CCDC178: variants seen among roughly 807,000 people sequenced by gnomAD.
The protein encoded by CCDC178 is coiled-coil domain containing 178.
In CCDC178, 126 loss-of-function variants were observed where a neutral mutation model predicts 117.4. That is an observed-to-expected ratio of 1.07 (90% CI 0.93 to 1.24). CCDC178 has a LOEUF of 1.24. Among genes scored for constraint, CCDC178 ranks in the 50% most tolerant of loss-of-function variants. The pLI is 0.00. For synonymous variants in CCDC178, 283 were observed against 313.4 expected (o/e 0.90, Z 1.02); for missense variants, 1,030 against 986.9 (o/e 1.04, Z -0.59).
chr18:33,045,627 G>C (rs2056628428), intron 21 of CCDC178, among the ~76,000 whole-genome samples: 1 of 152,150 alleles, frequency 6.6e-6, no homozygotes, highest in Admixed American at 6.5e-5. Flanking sequence ...TTCTGATCTT[G>C]ATAAAGCAAT....
intron 15 of CCDC178, among the ~76,000 whole-genome samples, chr18:33,231,740 G>T (rs1422938737): frequency 6.6e-6 from 1 of 152,086 alleles, no homozygotes; most frequent in Admixed American, 6.5e-5. Context: ...GTGTGGGGAG[G>T]TTCTCTGCCC....
chr18:33,407,829 G>T (rs1390417727), intron 3 of CCDC178, among the ~76,000 whole-genome samples: 2 of 151,562 alleles, frequency 1.3e-5, no homozygotes, highest in African/African-American at 4.8e-5. Flanking sequence ...GGTAATTTTA[G>T]CCAAATACTC....
intron 19 of CCDC178, among the ~76,000 whole-genome samples, chr18:33,213,257 T>C (rs973049950): frequency 1.3e-5 from 2 of 152,050 alleles, no homozygotes; most frequent in African/African-American, 4.8e-5. Flanking sequence ...TACTCATTTT[T>C]TTCTGCTCTT....
chr18:32,999,557 G>A (rs1442145252), intron 21 of CCDC178, among the ~76,000 whole-genome samples: 1 of 152,108 alleles, frequency 6.6e-6, no homozygotes, highest in East Asian at 1.9e-4. Context: ...CTGGCTTCAG[G>A]TCTGACCCAG....
At chr18:33,087,701 T>C (rs1352844057) in intron 21 of CCDC178, among the ~76,000 whole-genome samples, 1 of 152,130 alleles carries the variant, frequency 6.6e-6, no homozygotes, top group Non-Finnish European at 1.5e-5. Context: ...TTTATGGTTT[T>C]GCTATGAAAG....
intron 20 of CCDC178, among the ~76,000 whole-genome samples, chr18:33,167,008 T>C (rs376538784): frequency 6.6e-6 from 1 of 152,172 alleles, no homozygotes; most frequent in African/African-American, 2.4e-5. Flanking sequence ...TAGCTCCCAC[T>C]TATAAGTGAA....
At chr18:33,424,247 A>C (rs2064080571) in intron 2 of CCDC178, among the ~76,000 whole-genome samples, 1 of 152,342 alleles carries the variant, frequency 6.6e-6, no homozygotes, top group Middle Eastern at 3.4e-3. Context: ...TGTCTTTTGT[A>C]AAGAAGATAA....
chr18:33,208,136 G>C (rs2059067517), intron 20 of CCDC178, among the ~76,000 whole-genome samples: 1 of 151,998 alleles, frequency 6.6e-6, no homozygotes, highest in Admixed American at 6.6e-5. Context: ...AATTGTGTGT[G>C]ATTAATTGAT....
At chr18:33,034,374 T>TA (rs1219539465) in intron 21 of CCDC178, among the ~76,000 whole-genome samples, 1 of 152,054 alleles carries the variant, frequency 6.6e-6, no homozygotes, top group Non-Finnish European at 1.5e-5. Context: ...CTTCTCTGCT[T>TA]AAAAGCTTTT....
intron 22 of CCDC178, among the ~76,000 whole-genome samples, chr18:32,970,694 G>A (rs774199663): frequency 5.3e-5 from 8 of 151,794 alleles, no homozygotes; most frequent in Non-Finnish European, 1.2e-4. Context: ...ATAGACATAG[G>A]GTATTATCAA....
At chr18:33,328,886 T>C (rs993751945) in intron 10 of CCDC178, among the ~76,000 whole-genome samples, 6 of 152,190 alleles carry the variant, frequency 3.9e-5, no homozygotes, top group African/African-American at 1.2e-4. Context: ...TAGATATTTT[T>C]AGGTGCTATT....
chr18:33,151,202 A>T (rs972172503), intron 20 of CCDC178, among the ~76,000 whole-genome samples: 1 of 152,206 alleles, frequency 6.6e-6, no homozygotes, highest in Non-Finnish European at 1.5e-5. Context: ...GAACTTATCC[A>T]TGTAACAAAA....
At chr18:33,015,699 GTTA>G (rs753320515) in intron 21 of CCDC178, among the ~76,000 whole-genome samples, 6 of 150,724 alleles carry the variant, frequency 4.0e-5, no homozygotes, top group Non-Finnish European at 8.9e-5. Flanking sequence ...TTTGAAATCA[GTTA>G]TTATAAATAT....
At chr18:33,430,582 T>C (rs1478756045) in intron 2 of CCDC178, among the ~76,000 whole-genome samples, 1 of 152,086 alleles carries the variant, frequency 6.6e-6, no homozygotes, top group East Asian at 1.9e-4. Context: ...ATCCAGATGG[T>C]AAAGCTACAG....
In CCDC178 at chr18:33,314,058, G is replaced by A. The variant is rs1049948994; in HGVS notation, c.1022+9433C>T. 7.3e-5 allele frequency among the ~76,000 whole-genome samples: 11 copies of A among 150,344 alleles called. No homozygotes were observed. In the East Asian group the frequency reaches 9.8e-4, roughly 13 times the overall value. ...TACTAAAAATACAAAAAAATTAGCC[G>A]GGCGTAGTGGCGGGCGCCTGTAATC... On this transcript the variant is annotated intron_variant, in intron 11 of 22. Transcript: ENST00000383096.
chr18:32,943,370 T>G (rs1397813667), intron 22 of CCDC178, among the ~76,000 whole-genome samples: 1 of 152,222 alleles, frequency 6.6e-6, no homozygotes, highest in Admixed American at 6.5e-5. Flanking sequence ...TCCGTGATCT[T>G]GCTCAGTTTT....
chr18:33,333,504 T>G, intron 9 of CCDC178, 110 bp from the exon 10 acceptor site: 1 of 344,212 alleles, frequency 2.9e-6, no homozygotes, highest in Non-Finnish European at 5.1e-6. Context: ...TGAATCTTAC[T>G]ACTTTTTTTT....
At chr18:33,125,053 A>ATT (rs1040466196) in intron 20 of CCDC178, among the ~76,000 whole-genome samples, 3 of 149,628 alleles carry the variant, frequency 2.0e-5, no homozygotes, top group Non-Finnish European at 4.5e-5. Flanking sequence ...TTGCCAGGAG[A>ATT]TTTTTTTTTT....
chr18:33,254,069 A>G (rs368794569), intron 14 of CCDC178, among the ~76,000 whole-genome samples: 1 of 151,920 alleles, frequency 6.6e-6, no homozygotes, highest in East Asian at 1.9e-4. Context: ...GGGAAAAAAT[A>G]TAAGAAAAAT....
Sources: allele counts gnomAD v4.1 joint callset (sites outside exome capture counted in the v4.1 genomes callset), GRCh38; gene constraint gnomAD v4.1.1; transcripts MANE v1.5; gene names NCBI Gene and HGNC (gene_info 2026-07-23, HGNC 2026-07-21).